Variants in LAMA2 observed in about 807,000 individuals in gnomAD.
LAMA2 encodes the protein laminin subunit alpha 2.
A neutral mutation model predicts 364.8 loss-of-function variants in LAMA2; 269 were observed. The observed-to-expected ratio is 0.74, with a 90% CI of 0.67 to 0.82. The LOEUF (loss-of-function observed/expected upper bound fraction) is 0.82, where lower values mean the gene tolerates loss of function less well. Among genes scored for constraint, LAMA2 ranks in the 40% least tolerant of loss-of-function variants. LAMA2 has a pLI of 0.00. For missense variants in LAMA2, 3,807 were observed against 3,873.2 expected, an observed-to-expected ratio of 0.98 and a Z score of 0.45; for synonymous variants, 1,379 against 1,370.6, an observed-to-expected ratio of 1.01 and a Z score of -0.14.
chr6:129,472,190 G>C (rs942583571), intron 51 of LAMA2, among the ~76,000 whole-genome samples: 1 of 151,822 alleles, frequency 6.6e-6, no homozygotes. Context: ...TTTGAGCCAG[G>C]AACATCCAAG....
At chr6:129,344,062 A>C (rs1204690550) in intron 30 of LAMA2, among the ~76,000 whole-genome samples, 1 of 152,218 alleles carries the variant, frequency 6.6e-6, no homozygotes, top group Non-Finnish European at 1.5e-5. Context: ...CCAGTCTAAG[A>C]AATAGTTATT....
intron 12 of LAMA2, among the ~76,000 whole-genome samples, chr6:129,223,353 C>T (rs1784011294): frequency 6.6e-6 from 1 of 152,126 alleles, no homozygotes; most frequent in Admixed American, 6.6e-5. Flanking sequence ...TTAATTAGAT[C>T]CCATTTGTCA....
At chr6:129,343,240 T>C (rs1235904268) in intron 30 of LAMA2, among the ~76,000 whole-genome samples, 1 of 152,214 alleles carries the variant, frequency 6.6e-6, no homozygotes, top group Non-Finnish European at 1.5e-5. Context: ...TATGGCAGTT[T>C]GTTCAGAATT....
intron 3 of LAMA2, among the ~76,000 whole-genome samples, chr6:129,093,328 C>A (rs1292016419): frequency 6.6e-6 from 1 of 150,766 alleles, no homozygotes; most frequent in Non-Finnish European, 1.5e-5. Context: ...CTTAGCAATG[C>A]ATGTTCTAGA....
intron 12 of LAMA2, among the ~76,000 whole-genome samples, chr6:129,221,274 G>A (rs1369292044): frequency 1.4e-5 from 2 of 146,456 alleles, no homozygotes; most frequent in Admixed American, 6.8e-5. Context: ...AATAAGAAAA[G>A]CATAATTGAT....
intron 12 of LAMA2, among the ~76,000 whole-genome samples, chr6:129,219,510 A>C (rs978336028): frequency 9.3e-5 from 14 of 151,254 alleles, no homozygotes; most frequent in Non-Finnish European, 1.0e-4. Flanking sequence ...TCATGCTGCT[A>C]TAAAGACACA....
At chr6:128,955,514 A>C (rs573846003) in intron 1 of LAMA2, among the ~76,000 whole-genome samples, 1 of 152,110 alleles carries the variant, frequency 6.6e-6, no homozygotes, top group African/African-American at 2.4e-5. Context: ...AGAAGGCAAA[A>C]TATGTAAAAG....
At chr6:129,267,268 C>A in intron 16 of LAMA2, 49 bp downstream of exon 16, 1 of 1,206,278 alleles carries the variant, frequency 8.3e-7, no homozygotes, top group Non-Finnish European at 1.2e-6. Context: ...CTGAAATCAC[C>A]TCGACAGATG....
In LAMA2 at chr6:129,445,700, A is replaced by C. The variant is rs773077537; in HGVS notation, c.6308A>C (p.Glu2103Ala). Reference protein sequence around the residue: ...ADADATVKNLEQEADRLIDKL... With the variant: ...ADADATVKNLAQEADRLIDKL... ...GCAGATGCCACTGTCAAAAATTTAG[A>C]ACAGGAAGCTGACCGGCTAATAGAT... The change falls in exon 45 of 65, where the codon GAA (glutamate) becomes GCA (alanine). Residue 2103 changes from glutamate (E) to alanine (A), a missense_variant. Coordinates refer to ENST00000421865, the MANE Select transcript of LAMA2 (RefSeq NM_000426.4). 2 of 1,613,902 alleles carry C rather than the reference A, an allele frequency of 1.2e-6. No individual in the cohort carries two copies. The highest frequency in any genetic ancestry group is 1.7e-6 in the Non-Finnish European group (2 of 1,179,936).
chr6:129,092,477 G>A (rs559566501), intron 3 of LAMA2, among the ~76,000 whole-genome samples: 31 of 152,222 alleles, frequency 2.0e-4, no homozygotes, highest in Admixed American at 6.5e-4. Flanking sequence ...ATTGAAAAAC[G>A]CACTATTAGA....
intron 37 of LAMA2, among the ~76,000 whole-genome samples, chr6:129,399,382 T>A (rs1014225705): frequency 1.3e-5 from 2 of 152,196 alleles, no homozygotes; most frequent in African/African-American, 2.4e-5. Flanking sequence ...AGTCAGTAGT[T>A]CCCAGGAATG....
intron 58 of LAMA2, among the ~76,000 whole-genome samples, chr6:129,499,683 G>A (rs1379495141): frequency 6.6e-6 from 1 of 152,052 alleles, no homozygotes; most frequent in African/African-American, 2.4e-5. Context: ...AGCAACACCG[G>A]GCAAAGCAAT....
chr6:129,404,008 A>T (rs1780119361), intron 40 of LAMA2, 49 bp downstream of exon 40: 1 of 1,603,606 alleles, frequency 6.2e-7, no homozygotes, highest in Non-Finnish European at 8.5e-7. Flanking sequence ...AACCTTTTTG[A>T]ATTTTTCAAA....
intron 63 of LAMA2, among the ~76,000 whole-genome samples, chr6:129,513,978 AAAC>A (rs1225385363): frequency 6.2e-4 from 94 of 152,372 alleles, no homozygotes; most frequent in African/African-American, 2.2e-3. Flanking sequence ...GAGTCACTTT[AAAC>A]AATATCTTTT....
intron 4 of LAMA2, among the ~76,000 whole-genome samples, chr6:129,102,761 C>T (rs1339652236): frequency 6.6e-6 from 1 of 152,194 alleles, no homozygotes; most frequent in East Asian, 1.9e-4. Context: ...ATATTGTCTT[C>T]ATCCTGTGTG....
chr6:129,216,759 T>C (rs563793872), intron 12 of LAMA2, among the ~76,000 whole-genome samples: 1 of 152,332 alleles, frequency 6.6e-6, no homozygotes, highest in South Asian at 2.1e-4. Context: ...TGTTGCACAA[T>C]TAGAAAATAC....
At chr6:129,053,990 G>T (rs575227063) in intron 2 of LAMA2, among the ~76,000 whole-genome samples, 1 of 152,142 alleles carries the variant, frequency 6.6e-6, no homozygotes, top group South Asian at 2.1e-4. Context: ...AAAAACATAT[G>T]GGTCATTAAG....
intron 9 of LAMA2, among the ~76,000 whole-genome samples, chr6:129,169,972 G>T (rs888951091): frequency 2.1e-4 from 32 of 151,018 alleles, no homozygotes; most frequent in African/African-American, 7.7e-4. Context: ...AGTATTCTCT[G>T]ATTTTAGTTT....
intron 8 of LAMA2, chr6:129,157,579 A>C: frequency 6.2e-7 from 1 of 1,612,892 alleles, no homozygotes; most frequent in South Asian, 1.1e-5. Context: ...TTAATTCTCA[A>C]CGCTGTGAGT....
Sources: allele counts gnomAD v4.1 joint callset (sites outside exome capture counted in the v4.1 genomes callset), GRCh38; gene constraint gnomAD v4.1.1; transcripts MANE v1.5; gene names NCBI Gene and HGNC (gene_info 2026-07-23, HGNC 2026-07-21).